GTSE1: variants seen among roughly 807,000 people sequenced by gnomAD.
GTSE1 encodes G2 and S phase-expressed protein 1.
In GTSE1, 52 loss-of-function variants were observed where a neutral mutation model predicts 60.5. The ratio of observed to expected loss-of-function variants is 0.86; its 90% CI spans 0.69 to 1.08. The LOEUF (loss-of-function observed/expected upper bound fraction) is 1.08, where lower values mean the gene tolerates loss of function less well. GTSE1 is among the 50% of genes least tolerant of loss of function. The pLI, the probability that GTSE1 is intolerant of heterozygous loss-of-function variation, is 0.00. For missense variants in GTSE1, 937 were observed against 961.8 expected (o/e 0.97, Z 0.34); for synonymous variants, 368 against 386.5 (o/e 0.95, Z 0.56).
chr22:46,313,768 A>G lies in GTSE1; in HGVS notation c.928-122A>G. 3 of 1,035,282 alleles carry G rather than the reference A, an allele frequency of 2.9e-6. No individual in the cohort carries two copies. The highest frequency in any genetic ancestry group is 4.3e-6 in the Non-Finnish European group (3 of 692,800). 64.1% of individuals were successfully genotyped at this position (1,035,282 alleles called of 1,614,324 possible). A position where few individuals can be genotyped will look rare whatever the true frequency, so the allele number is the denominator to read the frequency against. On this transcript the variant is annotated intron_variant, in intron 5 of 11. Transcript: ENST00000454366. The surrounding 1 kb of genome is among the most constrained non-coding windows in gnomAD (Gnocchi z 4.4). The stretch of plus-strand genomic sequence containing the variant: ...GTGATCCTCCGGCCTCAGCCTCCCA[A>G]AGTGCTGGGATTACAGGCGTGAGCC...
In GTSE1 at chr22:46,308,874, C is replaced by T. The variant is rs145330697; in HGVS notation, c.693C>T (p.Pro231=). 6.3e-4 allele frequency: 1,015 copies of T among 1,613,198 alleles called. 5 individuals are homozygous for T. The highest frequency in any genetic ancestry group is 4.1e-3 in the Middle Eastern group (25 of 6,062). Residue 231 remains proline, a synonymous_variant, in exon 4 of 12, where the codon CCC becomes CCT. Transcript: ENST00000454366. ...AASQAATQRK[P]GTKLLLPRAA... is the part of the protein sequence containing the mutation. The stretch of plus-strand genomic sequence containing the variant: ...GTCAGGCAGCGACTCAGAGGAAGCC[C>T]GGGACCAAATTGCTGCTGCCTCGAG...
rs977248899 is a variant in GTSE1, at chr22:46,321,930, C to T, written c.1433-1260C>T. 3.3e-5 allele frequency among the ~76,000 whole-genome samples: 5 copies of T among 151,946 alleles called. No homozygotes were observed. The highest frequency in any genetic ancestry group is 1.9e-4 in the East Asian group (1 of 5,160). On this transcript the variant is annotated intron_variant, in intron 7 of 11. Coordinates refer to ENST00000454366, the MANE Select transcript of GTSE1 (RefSeq NM_016426.7). The surrounding 1 kb of genome is among the most constrained non-coding windows in gnomAD (Gnocchi z 4.0). ...CTCTACTAACAATACAAAAATTATC[C>T]GGGCGTGGTGGCGGGCACCTATAAT...
rs1277393312 is a variant in GTSE1, at chr22:46,304,257, T to G, written c.80-3893T>G. On this transcript the variant is annotated intron_variant, in intron 2 of 11. Transcript: ENST00000454366. This position sits in a 1 kb window ranked among gnomAD's most constrained non-coding sequence, Gnocchi z 4.4. Reference sequence around the variant, plus strand: ...GATCCTCCTTGGCCTCCCATAGTGCTGGGATTACAGGCACAGGCCACCATA... The same window carrying G: ...GATCCTCCTTGGCCTCCCATAGTGCGGGGATTACAGGCACAGGCCACCATA... Among the ~76,000 whole-genome samples the G allele has an allele frequency of 6.6e-6, 1 of 152,164 alleles. No homozygotes were observed. The highest frequency in any genetic ancestry group is 1.5e-5 in the Non-Finnish European group (1 of 68,016).
Position 46,330,005 on chromosome 22 carries a change from A to G in GTSE1, c.2137-42A>G. ...GTGCAGGGAGGGGAAGGGAGGCCCTAGCCGGATCCACGCTCACCTCCTCCA... is the reference window on the plus strand; with the variant it reads ...GTGCAGGGAGGGGAAGGGAGGCCCTGGCCGGATCCACGCTCACCTCCTCCA... On this transcript the variant is annotated intron_variant, in intron 11 of 11. Transcript: ENST00000454366. This position sits in a 1 kb window ranked among gnomAD's most constrained non-coding sequence, Gnocchi z 6.0. The G allele has an allele frequency of 8.3e-7, 1 of 1,206,224 alleles. No individual in the cohort carries two copies. 74.7% of individuals were successfully genotyped at this position (1,206,224 alleles called of 1,614,324 possible). A position where few individuals can be genotyped will look rare whatever the true frequency, so the allele number is the denominator to read the frequency against.
At position 46,316,373 on chromosome 22, in the gene GTSE1, A is replaced by G. The variant is rs2077780761; in HGVS notation, c.1393A>G (p.Thr465Ala). The G allele has an allele frequency of 1.3e-6, 2 of 1,598,476 alleles. No individual in the cohort carries two copies. Among genetic ancestry groups the G allele is most frequent in the African/African-American group, 1.3e-5 (1 of 74,530 alleles). The change falls in exon 7 of 12, where the codon ACT becomes GCT. Residue 465 changes from threonine to alanine, a missense_variant. Transcript: ENST00000454366. The surrounding 1 kb of genome is among the most constrained non-coding windows in gnomAD (Gnocchi z 5.0). ...AAATTCCAAGACAAAGGTTATGCCT[A>G]CTCCTACAAATCAATTTAAAATTCC... is the stretch of plus-strand genomic sequence containing the variant. ...CLNSKTKVMPTPTNQFKIPKF... is the reference protein window; with the variant it reads ...CLNSKTKVMPAPTNQFKIPKF...
In GTSE1 at chr22:46,308,247, C is replaced by G. The variant is rs1485562852; in HGVS notation, c.137+40C>G. ...TTTCTTCCCTTGCCTTGGGCATAAC[C>G]ACATTCAGTAAAGTCTTTCCTTTAA... On this transcript the variant is annotated intron_variant, in intron 3 of 11. Transcript: ENST00000454366. 6 of 1,604,286 alleles carry G rather than the reference C, an allele frequency of 3.7e-6. No homozygotes were observed. The African/African-American group carries it at 8.0e-5, about 21-fold the overall frequency.
At position 46,330,122 on chromosome 22, in the gene GTSE1, A is replaced by C. The variant is rs1441346076; in HGVS notation, c.2212A>C (p.Lys738Gln). The C allele has an allele frequency of 6.3e-7, 1 of 1,596,062 alleles. No individual in the cohort carries two copies. Among genetic ancestry groups the C allele is most frequent in the East Asian group, 2.2e-5 (1 of 44,782 alleles). The change falls in exon 12 of 12, where the codon AAG becomes CAG. Residue 738 changes from lysine to glutamine, a missense_variant. Physicochemically the swap from Lys to Gln is moderately conservative, Grantham distance 53. Coordinates refer to ENST00000454366, the MANE Select transcript of GTSE1 (RefSeq NM_016426.7). This position sits in a 1 kb window ranked among gnomAD's most constrained non-coding sequence, Gnocchi z 6.0. ...DKENVDSPLLKF is the reference protein window; with the variant it reads ...DKENVDSPLLQF ...GGAGAACGTGGATTCCCCACTCCTCAAGTTCTAAGCCGAACCAAATCCTTT... is the reference window on the plus strand; with the variant it reads ...GGAGAACGTGGATTCCCCACTCCTCCAGTTCTAAGCCGAACCAAATCCTTT...
intron 2 of GTSE1, among the ~76,000 whole-genome samples, chr22:46,298,072 C>T (rs1381885512): frequency 1.3e-5 from 2 of 151,968 alleles, no homozygotes; most frequent in Non-Finnish European, 2.9e-5. Flanking sequence ...AAGGGATTCT[C>T]CTGCCTCAGC....
In GTSE1 at chr22:46,308,691, C is replaced by T. The variant is rs2077730320; in HGVS notation, c.510C>T (p.Asp170=). The change falls in exon 4 of 12, where the codon GAC becomes GAT. Residue 170 remains aspartate (D), a synonymous_variant. Coordinates refer to ENST00000454366, the MANE Select transcript of GTSE1 (RefSeq NM_016426.7). ...AAAGGGAGACATACTACCTGTCAGA[C>T]AGCCCCTTGCTGGGGCCCCCTGTGG... ...SLKRETYYLS[D]SPLLGPPVGE... The T allele has an allele frequency of 6.2e-7, 1 of 1,613,818 alleles. No individual in the cohort carries two copies. The highest frequency in any genetic ancestry group is 1.7e-5 in the Admixed American group (1 of 60,018).
intron 2 of GTSE1, among the ~76,000 whole-genome samples, chr22:46,300,961 C>G (rs891875669): frequency 5.3e-5 from 8 of 152,222 alleles, no homozygotes; most frequent in African/African-American, 1.9e-4. Flanking sequence ...TGTGCAGGTG[C>G]AAGCCAACAC....
rs2077797358 is a variant in GTSE1, at chr22:46,319,070, A to G, written c.1432+2658A>G. Reference sequence around the variant, plus strand: ...GACACGTTGTCTTTATTCCGCACACAGCTGAAATTTCTTACTGAGAAGAGG... The same window carrying G: ...GACACGTTGTCTTTATTCCGCACACGGCTGAAATTTCTTACTGAGAAGAGG... On this transcript the variant is annotated intron_variant, in intron 7 of 11. Transcript: ENST00000454366. This position sits in a 1 kb window ranked among gnomAD's most constrained non-coding sequence, Gnocchi z 5.0. Among the ~76,000 whole-genome samples the G allele has an allele frequency of 1.3e-5, 2 of 152,202 alleles. No individual in the cohort carries two copies. The highest frequency in any genetic ancestry group is 1.3e-4 in the Admixed American group (2 of 15,286).
chr22:46,306,330 T>C (rs1035439262), intron 2 of GTSE1, among the ~76,000 whole-genome samples: 2 of 146,354 alleles, frequency 1.4e-5, no homozygotes, highest in South Asian at 2.2e-4. Context: ...TACAGGCACC[T>C]GCCACCACGC....
At position 46,324,502 on chromosome 22, in the gene GTSE1, G is replaced by GGAC. The variant is rs1289873403; in HGVS notation, c.1505+1241_1505+1243dup. ...CCTGCCTCAGCCTCCCAAGTAGCTGGGACTACAGGCGCCCGCCACCACGCC... is the reference window on the plus strand; with the variant it reads ...CCTGCCTCAGCCTCCCAAGTAGCTGGGACGACTACAGGCGCCCGCCACCACGCC... On this transcript the variant is annotated intron_variant, in intron 8 of 11. Coordinates refer to ENST00000454366, the MANE Select transcript of GTSE1 (RefSeq NM_016426.7). This position sits in a 1 kb window ranked among gnomAD's most constrained non-coding sequence, Gnocchi z 5.2. 2.0e-5 allele frequency among the ~76,000 whole-genome samples: 3 copies of GGAC among 152,052 alleles called. No homozygotes were observed. Among genetic ancestry groups the GGAC allele is most frequent in the African/African-American group, 7.2e-5 (3 of 41,394 alleles).
chr22:46,312,448 T>C, intron 5 of GTSE1, 143 bp downstream of exon 5: 1 of 734,546 alleles, frequency 1.4e-6, no homozygotes, highest in Non-Finnish European at 2.2e-6. Flanking sequence ...AAGACCAGCC[T>C]GAGCAACATG....
chr22:46,323,412 C>G, intron 8 of GTSE1, 150 bp downstream of exon 8: 2 of 684,800 alleles, frequency 2.9e-6, no homozygotes, highest in East Asian at 2.6e-5. Flanking sequence ...CTGATGTGTA[C>G]CAGCCCCTTT....
chr22:46,313,825 C>G lies in GTSE1; in HGVS notation c.928-65C>G, dbSNP rs997724495. 4.4e-6 allele frequency: 7 copies of G among 1,582,412 alleles called. No individual in the cohort carries two copies. Among genetic ancestry groups the G allele is most frequent in the Non-Finnish European group, 2.6e-6 (3 of 1,154,122 alleles). ...CCCAGCCAAAAACCCCTTACTTTTG[C>G]AGACACAAGTAATAGGTAAATAACG... On this transcript the variant is annotated intron_variant, in intron 5 of 11. Coordinates refer to ENST00000454366, the MANE Select transcript of GTSE1 (RefSeq NM_016426.7). This position sits in a 1 kb window ranked among gnomAD's most constrained non-coding sequence, Gnocchi z 4.4.
At position 46,330,008 on chromosome 22, in the gene GTSE1, C is replaced by A. The variant is rs767444458; in HGVS notation, c.2137-39C>A. 1.6e-6 allele frequency: 2 copies of A among 1,260,140 alleles called. No homozygotes were observed. The highest frequency in any genetic ancestry group is 4.6e-5 in the East Asian group (2 of 43,306). 78.1% of individuals were successfully genotyped at this position (1,260,140 alleles called of 1,614,324 possible). ...CAGGGAGGGGAAGGGAGGCCCTAGC[C>A]GGATCCACGCTCACCTCCTCCACTC... On this transcript the variant is annotated intron_variant, in intron 11 of 11. Coordinates refer to ENST00000454366, the MANE Select transcript of GTSE1 (RefSeq NM_016426.7). The surrounding 1 kb of genome is among the most constrained non-coding windows in gnomAD (Gnocchi z 6.0).
chr22:46,328,763 T>A lies in GTSE1; in HGVS notation c.1800T>A (p.Pro600=). The A allele has an allele frequency of 6.2e-7, 1 of 1,613,710 alleles. No individual in the cohort carries two copies. Among genetic ancestry groups the A allele is most frequent in the Non-Finnish European group, 8.5e-7 (1 of 1,179,552 alleles). Residue 600 remains proline (P), a synonymous_variant, in exon 10 of 12, where the codon CCT becomes CCA. Transcript: ENST00000454366. ...LVDVSPDRGS[P]PSRVPQALNF... ...ATGTGTCCCCTGACAGGGGTTCTCC[T>A]CCTTCCCGTGTGCCTCAGGCACTTA...
rs894030349 is a variant in GTSE1, at chr22:46,316,769, T to C, written c.1432+357T>C. Among the ~76,000 whole-genome samples, 8 of 152,240 alleles carry C rather than the reference T, an allele frequency of 5.3e-5. No homozygotes were observed. Among genetic ancestry groups the C allele is most frequent in the East Asian group, 1.9e-4 (1 of 5,198 alleles). The stretch of plus-strand genomic sequence containing the variant: ...TCTTTGATCTGTGGGTTGGTTTTTT[T>C]CAGCAAATTTGGAAAACGTTGGCCA... On this transcript the variant is annotated intron_variant, in intron 7 of 11. Transcript: ENST00000454366. The surrounding 1 kb of genome is among the most constrained non-coding windows in gnomAD (Gnocchi z 5.0).
Sources: allele counts gnomAD v4.1 joint callset (sites outside exome capture counted in the v4.1 genomes callset), GRCh38; gene constraint gnomAD v4.1.1; non-coding constraint Gnocchi (gnomAD v3.1); transcripts MANE v1.5; gene names NCBI Gene and HGNC (gene_info 2026-07-23, HGNC 2026-07-21).